The following CBLN2 variants were observed in gnomAD, a reference collection of about 807,000 sequenced individuals.
CBLN2 encodes the protein cerebellin 2 precursor.
A neutral mutation model predicts 15.0 loss-of-function variants in CBLN2; 7 were observed. The observed-to-expected ratio is 0.47, with a 90% CI of 0.27 to 0.88. CBLN2 has a LOEUF of 0.88. Among genes scored for constraint, CBLN2 ranks in the 40% least tolerant of loss-of-function variants. The probability of loss-of-function intolerance (pLI) is 0.14; values close to 1 mark genes in which losing one functional copy is unlikely to be tolerated. For missense variants in CBLN2, 242 were observed against 304.5 expected (o/e 0.79, Z 1.53); for synonymous variants, 149 against 135.2 (o/e 1.10, Z -0.71).
intron 1 of CBLN2, among the ~76,000 whole-genome samples, chr18:72,577,071 T>C (rs1290161514): frequency 1.3e-5 from 2 of 148,476 alleles, no homozygotes; most frequent in South Asian, 2.1e-4. Context: ...TATTTAGAAT[T>C]ATAAAAAGGA....
chr18:72,614,105 GA>G (rs2069641405), intron 1 of CBLN2, among the ~76,000 whole-genome samples: 1 of 152,104 alleles, frequency 6.6e-6, no homozygotes, highest in Non-Finnish European at 1.5e-5. Context: ...CTGCATAACT[GA>G]TATCCTCAAA....
At chr18:72,538,497 C>T (rs1415598548) in intron 4 of CBLN2, 124 bp from the exon 5 acceptor site, 2 of 1,420,416 alleles carry the variant, frequency 1.4e-6, no homozygotes, top group East Asian at 4.6e-5. Flanking sequence ...TCAGGGGAGC[C>T]TGACAGTGAG....
At position 72,623,931 on chromosome 18, in the gene CBLN2, C is replaced by A. The variant is rs184722990; in HGVS notation, c.15+14394G>T. Among the ~76,000 whole-genome samples the A allele has an allele frequency of 8.9e-3, 1,359 of 152,246 alleles. 13 individuals are homozygous for A. Among genetic ancestry groups the A allele is most frequent in the Non-Finnish European group, 0.013 (895 of 68,016 alleles). On this transcript the variant is annotated intron_variant, in intron 1 of 2. Transcript: ENST00000581073. ...TCTGCTTTTTATTTCAGGAATCCCT[C>A]CTTTATGTAAATAACTTGCTCTCTG...
chr18:72,554,631 TAAAA>T (rs546144256), intron 1 of CBLN2, among the ~76,000 whole-genome samples: 1 of 133,654 alleles, frequency 7.5e-6, no homozygotes, highest in Admixed American at 7.4e-5. Context: ...TAACACAAAG[TAAAA>T]AAAAAAAATT....
chr18:72,601,894 C>G (rs1480997063), intron 1 of CBLN2, among the ~76,000 whole-genome samples: 1 of 152,230 alleles, frequency 6.6e-6, no homozygotes, highest in South Asian at 2.1e-4. Context: ...TTGGCTCTAA[C>G]AGTACCCAGT....
At chr18:72,545,270 A>T (rs2069150469), upstream of CBLN2, among the ~76,000 whole-genome samples, 1 of 152,250 alleles carries the variant, frequency 6.6e-6, no homozygotes, top group Non-Finnish European at 1.5e-5. Flanking sequence ...ATATGCAGAA[A>T]GTCATTGCAC....
intron 1 of CBLN2, among the ~76,000 whole-genome samples, chr18:72,606,796 G>A (rs1472729269): frequency 6.6e-6 from 1 of 152,190 alleles, no homozygotes; most frequent in African/African-American, 2.4e-5. Flanking sequence ...GGTCTCACAT[G>A]GTCTGGCCAG....
At position 72,581,280 on chromosome 18, in the gene CBLN2, A is replaced by T. The variant is rs1048219072; in HGVS notation, c.16-42508T>A. 1.5e-4 allele frequency among the ~76,000 whole-genome samples: 23 copies of T among 152,318 alleles called. No individual in the cohort carries two copies. In the East Asian group the frequency reaches 3.7e-3, roughly 24 times the overall value. ...GGAATAAATTGCTTAGTCATATGAC[A>T]TATGCATCTTAAAATTAATCAAGAG... On this transcript the variant is annotated intron_variant, in intron 1 of 2. Coordinates refer to the CBLN2 transcript ENST00000581073.
chr18:72,568,804 G>C (rs919788224), intron 1 of CBLN2, among the ~76,000 whole-genome samples: 1 of 152,250 alleles, frequency 6.6e-6, no homozygotes, highest in South Asian at 2.1e-4. Flanking sequence ...AAATTGGCAA[G>C]TGCTACAATG....
At chr18:72,627,700 T>C (rs1233916617) in intron 1 of CBLN2, among the ~76,000 whole-genome samples, 1 of 152,228 alleles carries the variant, frequency 6.6e-6, no homozygotes, top group African/African-American at 2.4e-5. Context: ...CTAAAACCTT[T>C]TGAATGGTGA....
intron 1 of CBLN2, among the ~76,000 whole-genome samples, chr18:72,565,653 G>T (rs2069290063): frequency 1.3e-5 from 2 of 152,116 alleles, no homozygotes; most frequent in Admixed American, 1.3e-4. Flanking sequence ...AAATAAGAAA[G>T]AGAAGGGAAT....
intron 1 of CBLN2, among the ~76,000 whole-genome samples, chr18:72,571,281 A>G (rs1305943342): frequency 6.6e-6 from 1 of 152,174 alleles, no homozygotes; most frequent in Non-Finnish European, 1.5e-5. Context: ...AAATGATTAA[A>G]AATTAGTTTT....
chr18:72,569,417 G>T (rs1256622526), intron 1 of CBLN2, among the ~76,000 whole-genome samples: 1 of 152,032 alleles, frequency 6.6e-6, no homozygotes, highest in Non-Finnish European at 1.5e-5. Context: ...TTTTACATCT[G>T]CCTCTGGAAA....
chr18:72,595,893 AT>A (rs2069510305), intron 1 of CBLN2, among the ~76,000 whole-genome samples: 1 of 151,196 alleles, frequency 6.6e-6, no homozygotes, highest in Admixed American at 6.6e-5. Flanking sequence ...CCATTCCCTT[AT>A]TTTCAGTCTA....
At chr18:72,619,177 G>T in intron 1 of CBLN2, 1 of 780,140 alleles carries the variant, frequency 1.3e-6, no homozygotes, top group Non-Finnish European at 2.2e-6. Context: ...GGTGGCTGGG[G>T]TGGTTCCAGT....
chr18:72,583,230 C>G (rs1440354030), intron 1 of CBLN2, among the ~76,000 whole-genome samples: 1 of 152,166 alleles, frequency 6.6e-6, no homozygotes, highest in African/African-American at 2.4e-5. Flanking sequence ...TTTTTGTAAG[C>G]CCCAGGCAGA....
intron 1 of CBLN2, among the ~76,000 whole-genome samples, chr18:72,551,075 G>T (rs1413878439): frequency 2.0e-5 from 3 of 151,666 alleles, no homozygotes; most frequent in African/African-American, 7.3e-5. Context: ...GTGACATTTT[G>T]TTTTGCTGTT....
intron 1 of CBLN2, among the ~76,000 whole-genome samples, chr18:72,586,954 A>G (rs960840452): frequency 6.6e-6 from 1 of 152,106 alleles, no homozygotes; most frequent in African/African-American, 2.4e-5. Flanking sequence ...TATGATATAT[A>G]TATATATAAA....
chr18:72,617,902 G>A (rs1213444554), intron 1 of CBLN2, among the ~76,000 whole-genome samples: 1 of 151,916 alleles, frequency 6.6e-6, no homozygotes, highest in Non-Finnish European at 1.5e-5. Context: ...TAATTATGTT[G>A]TAAAATAAAA....
Sources: gnomAD v4.1 joint callset for allele counts (sites outside exome capture counted in the v4.1 genomes callset) on GRCh38, gnomAD v4.1.1 for gene constraint, MANE v1.5 for transcripts, NCBI Gene and HGNC (gene_info 2026-07-23, HGNC 2026-07-21) for gene names.